SERPINA5: variants seen among roughly 807,000 people sequenced by gnomAD.
SERPINA5 encodes the protein plasma serine protease inhibitor.
SERPINA5 carries 25 observed loss-of-function variants against 25.3 expected under a neutral mutation model. The observed-to-expected ratio is 0.99, with a 90% CI of 0.72 to 1.38. SERPINA5 has a LOEUF of 1.38. Among genes scored for constraint, SERPINA5 ranks in the 40% most tolerant of loss-of-function variants. The pLI, the probability that SERPINA5 is intolerant of heterozygous loss-of-function variation, is 0.00. For missense variants in SERPINA5, 599 were observed against 509.5 expected (o/e 1.18, Z -1.69); for synonymous variants, 234 against 206.2 (o/e 1.14, Z -1.16).
In SERPINA5 at chr14:94,587,836, C is replaced by A; in HGVS notation, c.474C>A (p.Phe158Leu). 6.2e-7 allele frequency: 1 copy of A among 1,613,962 alleles called. No individual in the cohort carries two copies. Among genetic ancestry groups the A allele is most frequent in the Non-Finnish European group, 8.5e-7 (1 of 1,179,814 alleles). ...AGACGCTGTACCTGGCAGACACTTT[C>A]CCTACCAACTTTAGGGACTCTGCAG... The part of the protein sequence containing the change: ...AMKTLYLADT[F>L]PTNFRDSAGA... The change falls in exon 3 of 6, where the codon TTC (phenylalanine) becomes TTA (leucine). Residue 158 changes from phenylalanine to leucine, a missense_variant. Transcript: ENST00000329597.
rs1823953245 is a variant in SERPINA5, at chr14:94,587,907, G to A, written c.545G>A (p.Gly182Asp). Residue 182 changes from glycine (G) to aspartate (D), a missense_variant, in exon 3 of 6, where the codon GGC becomes GAC. Physicochemically the swap from Gly to Asp is moderately conservative, Grantham distance 94. Transcript: ENST00000329597. Reference protein sequence around the residue: ...INDYVAKQTKGKIVDLLKNLD... With the variant: ...INDYVAKQTKDKIVDLLKNLD... The stretch of plus-strand genomic sequence containing the variant: ...GATTATGTGGCAAAGCAAACGAAGG[G>A]CAAGATTGTGGACTTGCTTAAGAAC... The A allele has an allele frequency of 1.2e-6, 2 of 1,614,234 alleles. No individual in the cohort carries two copies. Among genetic ancestry groups the A allele is most frequent in the Non-Finnish European group, 1.7e-6 (2 of 1,180,052 alleles).
At chr14:94,583,639 G>C (rs1219087078) in intron 2 of SERPINA5, among the ~76,000 whole-genome samples, 1 of 152,240 alleles carries the variant, frequency 6.6e-6, no homozygotes, top group African/African-American at 2.4e-5. Flanking sequence ...TCAGTCAGCA[G>C]ATTTGGGTTT....
rs757463106 is a variant in SERPINA5 at position 94,592,009 on chromosome 14, CT to C, written c.1039-46del. 4 of 1,576,822 alleles carry C rather than the reference CT, an allele frequency of 2.5e-6. No homozygotes were observed. In the South Asian group the frequency reaches 4.7e-5, roughly 19 times the overall value. On this transcript the variant is annotated intron_variant, in intron 5 of 5. Transcript: ENST00000329597. Reference sequence around the variant, plus strand: ...GAAGCTTTGCCATTTGCTATGATGACTTCACCTGCCCCTAGTGGCCTGGTGA... The same window carrying C: ...GAAGCTTTGCCATTTGCTATGATGACTCACCTGCCCCTAGTGGCCTGGTGA...
In SERPINA5 at chr14:94,587,897, C is replaced by A. The variant is rs763945190; in HGVS notation, c.535C>A (p.Gln179Lys). 3.1e-6 allele frequency: 5 copies of A among 1,614,112 alleles called. No homozygotes were observed. The African/African-American group carries it at 6.7e-5, about 22-fold the overall frequency. Residue 179 changes from glutamine (Q) to lysine (K), a missense_variant, in exon 3 of 6, where the codon CAA becomes AAA. Gln to Lys is a moderately conservative substitution (Grantham distance 53, BLOSUM62 1). Transcript: ENST00000329597. Reference sequence around the variant, plus strand: ...GCAGATCAATGATTATGTGGCAAAGCAAACGAAGGGCAAGATTGTGGACTT... The same window carrying A: ...GCAGATCAATGATTATGTGGCAAAGAAAACGAAGGGCAAGATTGTGGACTT... ...MKQINDYVAKQTKGKIVDLLK... is the reference protein window; with the variant it reads ...MKQINDYVAKKTKGKIVDLLK...
intron 2 of SERPINA5, among the ~76,000 whole-genome samples, chr14:94,582,656 GTTCA>G (rs1289477491): frequency 1.3e-5 from 2 of 152,158 alleles, no homozygotes; most frequent in Admixed American, 1.3e-4. Flanking sequence ...AGACTGGTCA[GTTCA>G]TTCATTCATT....
At chr14:94,585,906 C>A (rs1274623086) in intron 2 of SERPINA5, among the ~76,000 whole-genome samples, 1 of 152,120 alleles carries the variant, frequency 6.6e-6, no homozygotes, top group Non-Finnish European at 1.5e-5. Flanking sequence ...AGCACGTGCC[C>A]CCAAGCACCC....
chr14:94,587,259 C>A, intron 2 of SERPINA5, 87 bp from the exon 3 acceptor site: 1 of 1,194,980 alleles, frequency 8.4e-7, no homozygotes, highest in Non-Finnish European at 1.2e-6. Context: ...CAAACATACC[C>A]ATTGAGTGTT....
intron 2 of SERPINA5, among the ~76,000 whole-genome samples, chr14:94,585,556 A>T (rs907615856): frequency 1.3e-5 from 2 of 151,816 alleles, no homozygotes; most frequent in Admixed American, 1.3e-4. Flanking sequence ...GGCCCTTTGG[A>T]GTTTGGTTTT....
At chr14:94,585,764 CGTGTGTGTGTGTGTGTGTGT>C (rs3138588) in intron 2 of SERPINA5, among the ~76,000 whole-genome samples, 6 of 145,868 alleles carry the variant, frequency 4.1e-5, no homozygotes, top group Admixed American at 3.4e-4. Context: ...CAGGCTCACA[CGTGTGTGTGTGTGTGTGTGT>C]GTGTGTGTGT....
intron 2 of SERPINA5, chr14:94,582,015 G>A (rs1884935358): frequency 6.6e-6 from 1 of 152,194 alleles, no homozygotes; most frequent in African/African-American, 2.4e-5. Flanking sequence ...GGCAGCTTCT[G>A]TTGTTTTCTG....
At chr14:94,589,315 G>A (rs956725372) in intron 3 of SERPINA5, among the ~76,000 whole-genome samples, 3 of 152,150 alleles carry the variant, frequency 2.0e-5, no homozygotes, top group South Asian at 2.1e-4. Flanking sequence ...AGGCATGGTG[G>A]TGGGCGCCTG....
At chr14:94,588,135 G>T (rs182239639) in intron 3 of SERPINA5, among the ~76,000 whole-genome samples, 154 bp downstream of exon 3, 111 of 152,328 alleles carry the variant, frequency 7.3e-4, no homozygotes, top group Non-Finnish European at 1.4e-3. Context: ...AGCAGCCAGA[G>T]AAGGTAAGAT....
In SERPINA5 at chr14:94,590,915, A is replaced by G; in HGVS notation, c.1038+19A>G. 1 of 1,598,558 alleles carries G rather than the reference A, an allele frequency of 6.3e-7. No individual in the cohort carries two copies. Among genetic ancestry groups the G allele is most frequent in the East Asian group, 2.2e-5 (1 of 44,534 alleles). On this transcript the variant is annotated intron_variant, in intron 5 of 5. Coordinates refer to ENST00000329597, the MANE Select transcript of SERPINA5 (RefSeq NM_000624.6). ...GTCTGAGGTGGGTTCAGAAGCTCCT[A>G]TGCATCTGCTTCCCAAGGTCTATTC...
intron 5 of SERPINA5, 85 bp downstream of exon 5, chr14:94,590,981 A>T: frequency 2.9e-6 from 4 of 1,373,754 alleles, no homozygotes; most frequent in Non-Finnish European, 3.9e-6. Context: ...ATTTCATTCC[A>T]TTCCATTCCA....
chr14:94,591,612 C>CTATTCTATTCTATTCTATTT (rs1390406558), intron 5 of SERPINA5, among the ~76,000 whole-genome samples: 1 of 143,804 alleles, frequency 7.0e-6, no homozygotes, highest in Non-Finnish European at 1.5e-5. Context: ...CTATTCTATT[C>CTATTCTATTCTATTCTATTT]TCTCCCTCTC....
At chr14:94,585,796 T>TGTGTGTGCGC (rs1555384393) in intron 2 of SERPINA5, among the ~76,000 whole-genome samples, 5 of 132,580 alleles carry the variant, frequency 3.8e-5, no homozygotes, top group Non-Finnish European at 8.5e-5. Context: ...TGTGTGTGTG[T>TGTGTGTGCGC]GTGTGTGTAA....
intron 2 of SERPINA5, among the ~76,000 whole-genome samples, chr14:94,585,530 C>T (rs1443885894): frequency 1.5e-4 from 23 of 152,192 alleles, no homozygotes; most frequent in Admixed American, 1.5e-3. Flanking sequence ...AAGGGATTTC[C>T]CACCCACCTG....
chr14:94,587,035 T>G (rs558221642), intron 2 of SERPINA5: 3 of 291,452 alleles, frequency 1.0e-5, no homozygotes, highest in African/African-American at 6.6e-5. Flanking sequence ...ACCCTCTCCC[T>G]CCATATCCCA....
chr14:94,585,949 A>G (rs1299244696), intron 2 of SERPINA5, among the ~76,000 whole-genome samples: 1 of 152,100 alleles, frequency 6.6e-6, no homozygotes, highest in Non-Finnish European at 1.5e-5. Flanking sequence ...TCACTATCTT[A>G]CAGTTATGGA....
Sources: gnomAD v4.1 joint callset for allele counts (sites outside exome capture counted in the v4.1 genomes callset) on GRCh38, gnomAD v4.1.1 for gene constraint, MANE v1.5 for transcripts, NCBI Gene and HGNC (gene_info 2026-07-23, HGNC 2026-07-21) for gene names.